Variants in DISC1 observed in about 807,000 individuals in gnomAD.
DISC1 encodes DISC1 scaffold protein, also known as disrupted in schizophrenia 1 protein.
DISC1 carries 57 observed loss-of-function variants against 84.5 expected under a neutral mutation model. That is an observed-to-expected ratio of 0.67 (90% CI 0.55 to 0.84). The LOEUF is 0.84. Ranked by LOEUF, DISC1 falls within the 40% of genes least tolerant of loss-of-function variation. The pLI, the probability that DISC1 is intolerant of heterozygous loss-of-function variation, is 0.00. For synonymous variants in DISC1, 411 were observed against 415.2 expected (o/e 0.99, Z 0.12); for missense variants, 1,000 against 1,057.8 (o/e 0.95, Z 0.76).
In DISC1 at chr1:232,039,869, T is replaced by G. The variant is rs1670708772; in HGVS notation, c.*3038T>G. On this transcript the variant is annotated 3_prime_UTR_variant, in exon 13 of 13. Coordinates refer to ENST00000439617, the MANE Select transcript of DISC1 (RefSeq NM_018662.3). ...GGGATGTTTTATGAGAATGTAAGTG[T>G]GATATTATACTGTCTGCCTTGCTGG... is the stretch of plus-strand genomic sequence containing the variant. 1 of 152,162 alleles carries G rather than the reference T, an allele frequency of 6.6e-6. No homozygotes were observed. Among genetic ancestry groups the G allele is most frequent in the Admixed American group, 6.5e-5 (1 of 15,268 alleles). 9.4% of individuals were successfully genotyped at this position (152,162 alleles called of 1,614,324 possible). A position where few individuals can be genotyped will look rare whatever the true frequency, so the allele number is the denominator to read the frequency against.
Position 231,845,315 on chromosome 1 carries a change from G to T in DISC1, c.1981+26798G>T, listed in dbSNP as rs188408243. 1.1e-4 allele frequency among the ~76,000 whole-genome samples: 17 copies of T among 152,336 alleles called. No homozygotes were observed. The East Asian group carries it at 3.1e-3, about 28-fold the overall frequency. On this transcript the variant is annotated intron_variant, in intron 9 of 12. Coordinates refer to ENST00000439617, the MANE Select transcript of DISC1 (RefSeq NM_018662.3). ...GAGCCACATCCTGGTGCCAGCTCTG[G>T]ACCGGGTTTGGCTGTGGTCTCCACA...
chr1:231,631,897 C>T (rs1049984749), intron 1 of DISC1, among the ~76,000 whole-genome samples: 30 of 152,268 alleles, frequency 2.0e-4, no homozygotes, highest in Admixed American at 7.2e-4. Context: ...TCAACCCTCA[C>T]GTGCACTCAC....
chr1:232,017,695 T>G (rs977473391), intron 11 of DISC1, among the ~76,000 whole-genome samples: 8 of 152,048 alleles, frequency 5.3e-5, no homozygotes, highest in Admixed American at 3.9e-4. Flanking sequence ...TACTAACCCC[T>G]CCCCTGCACC....
chr1:231,799,627 G>C (rs11122338), intron 7 of DISC1, among the ~76,000 whole-genome samples: 18,170 of 151,568 alleles, frequency 0.12, 1,216 homozygotes, highest in East Asian at 0.27. Flanking sequence ...AAACCACCTG[G>C]GACTACAAAA....
intron 3 of DISC1, among the ~76,000 whole-genome samples, chr1:231,733,105 A>ATGGTAGGAG (rs2071797626): frequency 1.1e-4 from 1 of 9,278 alleles, no homozygotes; most frequent in African/African-American, 3.8e-4. Flanking sequence ...AGAGTTGGTG[A>ATGGTAGGAG]TGGTGGTAGT....
At chr1:231,708,490 T>A (rs2067379293) in intron 3 of DISC1, among the ~76,000 whole-genome samples, 1 of 152,220 alleles carries the variant, frequency 6.6e-6, no homozygotes, top group Non-Finnish European at 1.5e-5. Context: ...AAATAAAATT[T>A]CTTGAGATCT....
chr1:231,893,968 G>A, intron 9 of DISC1, among the ~76,000 whole-genome samples: 1 of 152,220 alleles, frequency 6.6e-6, no homozygotes, highest in South Asian at 2.1e-4. Context: ...GAGGGATAGA[G>A]CAGTTTACCA....
Position 231,694,195 on chromosome 1 carries a change from A to G in DISC1, c.437A>G (p.Glu146Gly). 1 of 1,614,148 alleles carries G rather than the reference A, an allele frequency of 6.2e-7. No homozygotes were observed. Among genetic ancestry groups the G allele is most frequent in the East Asian group, 2.2e-5 (1 of 44,880 alleles). Residue 146 changes from glutamate (E) to glycine (G), a missense_variant, in exon 2 of 13, where the codon GAG (glutamate) becomes GGG (glycine). Glu to Gly is a moderately conservative substitution (Grantham distance 98). This residue lies in a region of DISC1 where 292 missense variants were observed against 280.2 expected (regional missense o/e 1.04). Transcript: ENST00000439617. ...CCTGGGAGTGCTGGGTGGCAGCAAG[A>G]GTTTGCAGCCATGGATAGTTCTGAG... ...CGPGSAGWQQEFAAMDSSETL... is the reference protein window; with the variant it reads ...CGPGSAGWQQGFAAMDSSETL...
intron 9 of DISC1, among the ~76,000 whole-genome samples, chr1:231,935,895 C>A (rs1446670484): frequency 7.2e-5 from 11 of 152,194 alleles, no homozygotes; most frequent in Admixed American, 7.2e-4. Context: ...AAGTTACATG[C>A]GCATGTGGTA....
rs1166833806 is a variant in DISC1 at position 231,989,714 on chromosome 1, T to TGA, written c.2043-19066_2043-19065dup. Among the ~76,000 whole-genome samples, 4 of 152,184 alleles carry TGA rather than the reference T, an allele frequency of 2.6e-5. No individual in the cohort carries two copies. The East Asian group carries it at 7.7e-4, about 29-fold the overall frequency. Reference sequence around the variant, plus strand: ...GATGAGACAGGCATATGAGCAGAAGTGAGAGACCTGGCAGGAATAAGAGCT... The same window carrying TGA: ...GATGAGACAGGCATATGAGCAGAAGTGAGAGAGACCTGGCAGGAATAAGAGCT... On this transcript the variant is annotated intron_variant, in intron 10 of 12. Coordinates refer to ENST00000439617, the MANE Select transcript of DISC1 (RefSeq NM_018662.3).
At position 231,866,925 on chromosome 1, in the gene DISC1, CT is replaced by C. The variant is rs2085105560; in HGVS notation, c.1981+48410del. Among the ~76,000 whole-genome samples the C allele has an allele frequency of 2.0e-5, 3 of 152,336 alleles. No homozygotes were observed. In the South Asian group the frequency reaches 6.2e-4, roughly 32 times the overall value. On this transcript the variant is annotated intron_variant, in intron 9 of 12. Transcript: ENST00000439617. Reference sequence around the variant, plus strand: ...GGAGGGTACAACTTCGTGGGACAAACTTCAAAAGAAAGATGCCATTTCTAAG... The same window carrying C: ...GGAGGGTACAACTTCGTGGGACAAACTCAAAAGAAAGATGCCATTTCTAAG...
chr1:231,906,459 C>T (rs184320593), intron 9 of DISC1, among the ~76,000 whole-genome samples: 6 of 152,278 alleles, frequency 3.9e-5, no homozygotes, highest in Non-Finnish European at 7.3e-5. Flanking sequence ...CTTAAAATAT[C>T]CCAGGGGGTG....
At chr1:232,010,433 G>A (rs532324768) in intron 11 of DISC1, among the ~76,000 whole-genome samples, 36 of 152,252 alleles carry the variant, frequency 2.4e-4, no homozygotes, top group African/African-American at 8.2e-4. Flanking sequence ...GGAGGAGCTC[G>A]GTGTGGGGCA....
chr1:231,790,048 T>C (rs1040243083), intron 6 of DISC1, among the ~76,000 whole-genome samples: 1 of 152,148 alleles, frequency 6.6e-6, no homozygotes, highest in Admixed American at 6.6e-5. Flanking sequence ...GCTCCTAAAC[T>C]ATAGACAAGA....
chr1:231,919,459 G>T (rs1283956137), intron 9 of DISC1, among the ~76,000 whole-genome samples: 2 of 152,204 alleles, frequency 1.3e-5, no homozygotes, highest in Non-Finnish European at 2.9e-5. Context: ...GTTTCTCCCA[G>T]GCACGCTGGC....
chr1:231,639,931 C>T lies in DISC1; in HGVS notation c.67+12997C>T, dbSNP rs138208197. On this transcript the variant is annotated intron_variant, in intron 1 of 12. Coordinates refer to ENST00000439617, the MANE Select transcript of DISC1 (RefSeq NM_018662.3). ...TATCTGATTCACGTTAGTGTTTCTA[C>T]AGATATGTAATGTTATCTGAATCAC... is the stretch of plus-strand genomic sequence containing the variant. Among the ~76,000 whole-genome samples, 427 of 152,322 alleles carry T rather than the reference C, an allele frequency of 2.8e-3. 3 individuals are homozygous for T. The highest frequency in any genetic ancestry group is 9.9e-3 in the African/African-American group (412 of 41,562).
chr1:231,633,448 T>C (rs1010813748), intron 1 of DISC1, among the ~76,000 whole-genome samples: 1 of 152,176 alleles, frequency 6.6e-6, no homozygotes, highest in Non-Finnish European at 1.5e-5. Flanking sequence ...AGTGCTAAGA[T>C]GCTGTGATCG....
intron 9 of DISC1, chr1:231,943,804 A>C (rs573039773): frequency 4.9e-4 from 75 of 151,688 alleles, no homozygotes; most frequent in African/African-American, 1.8e-3. Flanking sequence ...GCTCACTGCA[A>C]CCTCCACGTC....
At chr1:232,023,212 G>T (rs1006502416) in intron 11 of DISC1, among the ~76,000 whole-genome samples, 6 of 152,052 alleles carry the variant, frequency 3.9e-5, no homozygotes, top group African/African-American at 1.2e-4. Flanking sequence ...TTGATGCTTT[G>T]CCTATTTGAG....
Sources: allele counts gnomAD v4.1 joint callset (sites outside exome capture counted in the v4.1 genomes callset), GRCh38; gene constraint gnomAD v4.1.1; regional missense constraint gnomAD v4.1.1; transcripts MANE v1.5; gene names NCBI Gene and HGNC (gene_info 2026-07-23, HGNC 2026-07-21).